Variants in PTPRA observed in about 807,000 individuals in gnomAD.
The protein encoded by PTPRA is receptor-type tyrosine-protein phosphatase alpha.
In PTPRA, 25 loss-of-function variants were observed where a neutral mutation model predicts 104.8. The ratio of observed to expected loss-of-function variants is 0.24; its 90% CI spans 0.17 to 0.33. PTPRA has a LOEUF of 0.33. Ranked by LOEUF, PTPRA falls within the 10% of genes least tolerant of loss-of-function variation. PTPRA has a pLI of 1.00. For missense variants in PTPRA, 765 were observed against 1,015.3 expected (o/e 0.75, Z 3.35); for synonymous variants, 323 against 368.9 (o/e 0.88, Z 1.43).
intron 1 of PTPRA, among the ~76,000 whole-genome samples, chr20:2,901,590 C>T (rs541671885): frequency 6.6e-6 from 1 of 152,224 alleles, no homozygotes; most frequent in South Asian, 2.1e-4. Context: ...AGAAATGCAG[C>T]TGAGATGAAT....
rs990812135 is a variant in PTPRA at position 2,928,035 on chromosome 20, A to G, written c.-50+4750A>G. Among the ~76,000 whole-genome samples the G allele has an allele frequency of 5.3e-5, 8 of 152,162 alleles. No homozygotes were observed. In the South Asian group the frequency reaches 6.2e-4, roughly 12 times the overall value. On this transcript the variant is annotated intron_variant, in intron 2 of 23. Coordinates refer to ENST00000399903, the MANE Select transcript of PTPRA (RefSeq NM_001385305.1). ...AGTCAATCAATCAGTCAATCAATCT[A>G]TCTTACCAGAGTTCATTCTCAAGTC...
chr20:2,929,843 T>A (rs142024187), intron 2 of PTPRA, among the ~76,000 whole-genome samples: 5 of 151,682 alleles, frequency 3.3e-5, no homozygotes, highest in East Asian at 3.9e-4. Flanking sequence ...GAAAAAAAAA[T>A]TTTAAGTAGT....
chr20:2,970,225 A>G (rs1339316446), intron 5 of PTPRA, among the ~76,000 whole-genome samples: 2 of 152,200 alleles, frequency 1.3e-5, no homozygotes, highest in Non-Finnish European at 2.9e-5. Flanking sequence ...ACAGTTTGTC[A>G]TTTCAGACAC....
intron 9 of PTPRA, among the ~76,000 whole-genome samples, chr20:3,004,307 T>G (rs922805069): frequency 1.3e-5 from 2 of 152,188 alleles, no homozygotes; most frequent in Admixed American, 1.3e-4. Flanking sequence ...CGTGAGCCAC[T>G]TCACCCGGCC....
At chr20:2,896,227 A>C (rs1289867128) in intron 1 of PTPRA, among the ~76,000 whole-genome samples, 5 of 151,852 alleles carry the variant, frequency 3.3e-5, no homozygotes, top group Non-Finnish European at 7.4e-5. Flanking sequence ...ATACAAAAAA[A>C]ATTTAGCCGG....
intron 1 of PTPRA, among the ~76,000 whole-genome samples, chr20:2,904,247 G>A (rs1380489963): frequency 6.6e-6 from 1 of 152,030 alleles, no homozygotes; most frequent in Non-Finnish European, 1.5e-5. Flanking sequence ...CATGTTAAGT[G>A]CTACACTAGC....
rs374737974 is a variant in PTPRA at position 2,901,221 on chromosome 20, G to A, written c.-128-21986G>A. On this transcript the variant is annotated intron_variant, in intron 1 of 23. Coordinates refer to ENST00000399903, the MANE Select transcript of PTPRA (RefSeq NM_001385305.1). ...CCTGACCTTGTGATCCACCTGCTTC[G>A]GCCTCCCAAATTGCTGGGATTACAG... Among the ~76,000 whole-genome samples, 11 of 152,060 alleles carry A rather than the reference G, an allele frequency of 7.2e-5. No individual in the cohort carries two copies. The East Asian group carries it at 1.2e-3, about 16-fold the overall frequency.
At chr20:2,897,384 CTT>C (rs60627339) in intron 1 of PTPRA, among the ~76,000 whole-genome samples, 30 of 108,908 alleles carry the variant, frequency 2.8e-4, no homozygotes, top group African/African-American at 8.3e-4. Flanking sequence ...CTTGGCATTT[CTT>C]TTTTTTTTTT....
chr20:2,964,334 C>T lies in PTPRA; in HGVS notation c.57C>T (p.Ala19=). 1 of 1,602,390 alleles carries T rather than the reference C, an allele frequency of 6.2e-7. No individual in the cohort carries two copies. The highest frequency in any genetic ancestry group is 1.1e-5 in the South Asian group (1 of 88,522). ...GCAGTGGTCTGATATGTGTCAGTGCCAACAATGCTACCACAGGTAAATTGT... is the reference window on the plus strand; with the variant it reads ...GCAGTGGTCTGATATGTGTCAGTGCTAACAATGCTACCACAGGTAAATTGT... ...LLGSGLICVS[A]NNATTVAPSV... is the part of the protein sequence containing the mutation. Residue 19 remains alanine (A), a synonymous_variant, in exon 4 of 24, where the codon GCC becomes GCT. Coordinates refer to ENST00000399903, the MANE Select transcript of PTPRA (RefSeq NM_001385305.1).
chr20:3,026,860 G>T, intron 18 of PTPRA, 80 bp downstream of exon 18: 1 of 1,216,404 alleles, frequency 8.2e-7, no homozygotes, highest in East Asian at 2.4e-5. Context: ...TCAGGTACTA[G>T]TTAATGATTG....
intron 2 of PTPRA, among the ~76,000 whole-genome samples, chr20:2,942,134 C>T (rs533738159): frequency 5.5e-4 from 84 of 152,274 alleles, no homozygotes; most frequent in African/African-American, 2.0e-3. Context: ...AAAACCAGTT[C>T]TGTAAACCAG....
chr20:2,944,404 CTG>C (rs1473068502), intron 2 of PTPRA, among the ~76,000 whole-genome samples: 2 of 152,248 alleles, frequency 1.3e-5, no homozygotes, highest in Admixed American at 1.3e-4. Context: ...TCATCTGGGA[CTG>C]AGATTGTCTC....
chr20:2,955,046 C>A (rs550428961), intron 3 of PTPRA, among the ~76,000 whole-genome samples: 6 of 152,124 alleles, frequency 3.9e-5, no homozygotes, highest in Non-Finnish European at 7.3e-5. Context: ...TGTGTCTATT[C>A]CTCTGCTAAT....
At chr20:2,957,032 T>A (rs757222114) in intron 3 of PTPRA, among the ~76,000 whole-genome samples, 6 of 152,216 alleles carry the variant, frequency 3.9e-5, no homozygotes, top group Admixed American at 1.3e-4. Flanking sequence ...ACGCCTGTAA[T>A]CCCAGCACTT....
chr20:2,928,832 T>C (rs999916437), intron 2 of PTPRA, among the ~76,000 whole-genome samples: 19 of 145,224 alleles, frequency 1.3e-4, no homozygotes, highest in African/African-American at 3.0e-4. Context: ...TTTTCTCTCT[T>C]TTTTTTTTTT....
chr20:2,897,992 A>C lies in PTPRA; in HGVS notation c.-129+24232A>C, dbSNP rs1358196016. The stretch of plus-strand genomic sequence containing the variant: ...CAATGGCGTGCTCTTTGTTCACTGC[A>C]ACCTCCACCTCCCAGGTTCAAGCGA... On this transcript the variant is annotated intron_variant, in intron 1 of 23. Transcript: ENST00000399903. Among the ~76,000 whole-genome samples, 25 of 146,352 alleles carry C rather than the reference A, an allele frequency of 1.7e-4. 1 individual carries two copies. The highest frequency in any genetic ancestry group is 6.3e-4 in the African/African-American group (25 of 39,520).
chr20:2,906,934 T>C (rs1041149450), intron 1 of PTPRA, among the ~76,000 whole-genome samples: 1 of 152,218 alleles, frequency 6.6e-6, no homozygotes, highest in African/African-American at 2.4e-5. Context: ...ATTGCACTGT[T>C]AAATAGATAC....
intron 2 of PTPRA, among the ~76,000 whole-genome samples, chr20:2,934,895 C>T (rs1378925607): frequency 6.6e-6 from 1 of 152,124 alleles, no homozygotes; most frequent in African/African-American, 2.4e-5. Context: ...TGATCTCAAA[C>T]TCCTGACCTC....
At chr20:3,033,763 G>C (rs750110410) in intron 20 of PTPRA, among the ~76,000 whole-genome samples, 1 of 151,806 alleles carries the variant, frequency 6.6e-6, no homozygotes, top group South Asian at 2.1e-4. Flanking sequence ...TAGCGGGCAT[G>C]GTGATGCATG....
Sources: gnomAD v4.1 joint callset for allele counts (sites outside exome capture counted in the v4.1 genomes callset) on GRCh38, gnomAD v4.1.1 for gene constraint, MANE v1.5 for transcripts, NCBI Gene and HGNC (gene_info 2026-07-23, HGNC 2026-07-21) for gene names.